The following SAMD3 variants were observed in gnomAD, a reference collection of about 807,000 sequenced individuals.
The protein encoded by SAMD3 is sterile alpha motif domain containing 3.
A neutral mutation model predicts 58.5 loss-of-function variants in SAMD3; 63 were observed. The observed-to-expected ratio is 1.08, with a 90% CI of 0.88 to 1.33. SAMD3 has a LOEUF of 1.33. SAMD3 is among the 40% of genes most tolerant of loss of function. SAMD3 has a pLI of 0.00. For synonymous variants in SAMD3, 220 were observed against 210.3 expected, an observed-to-expected ratio of 1.05 and a Z score of -0.40; for missense variants, 604 against 608.4, an observed-to-expected ratio of 0.99 and a Z score of 0.08.
intron 7 of SAMD3, among the ~76,000 whole-genome samples, chr6:130,178,227 C>T (rs1003680924): frequency 1.6e-4 from 24 of 150,534 alleles, no homozygotes; most frequent in African/African-American, 5.2e-4. Flanking sequence ...CTGCGCACCT[C>T]GGCATCCCAA....
At chr6:130,214,562 T>A in intron 3 of SAMD3, 36 bp from the exon 4 acceptor site, 2 of 1,503,964 alleles carry the variant, frequency 1.3e-6, no homozygotes, top group Non-Finnish European at 1.8e-6. Flanking sequence ...TCTACATGAC[T>A]TTCCGGCAAA....
chr6:130,365,478 C>T (rs973034435), upstream of SAMD3: 2 of 985,430 alleles, frequency 2.0e-6, no homozygotes, highest in African/African-American at 1.7e-5. Context: ...GCCAGGGGGA[C>T]CCCGGCCCGC....
intron 5 of SAMD3, among the ~76,000 whole-genome samples, chr6:130,195,093 C>T (rs909328113): frequency 2.6e-5 from 4 of 152,114 alleles, no homozygotes; most frequent in African/African-American, 9.7e-5. Flanking sequence ...GCCCAGTTCC[C>T]TTATTAGGCT....
intron 1 of SAMD3, among the ~76,000 whole-genome samples, chr6:130,218,137 C>T (rs1224990367): frequency 6.6e-6 from 1 of 152,110 alleles, no homozygotes; most frequent in Non-Finnish European, 1.5e-5. Context: ...ATATTAGGCT[C>T]ACAGACACTT....
At chr6:130,358,606 A>C (rs1454975933) in intron 1 of SAMD3, among the ~76,000 whole-genome samples, 1 of 152,168 alleles carries the variant, frequency 6.6e-6, no homozygotes, top group Non-Finnish European at 1.5e-5. Context: ...AATTTCACTA[A>C]GAAAATTTTG....
intron 5 of SAMD3, among the ~76,000 whole-genome samples, chr6:130,208,865 CA>C (rs2114820805): frequency 6.6e-6 from 1 of 152,238 alleles, no homozygotes; most frequent in East Asian, 1.9e-4. Flanking sequence ...TCCATGGTGT[CA>C]AAAAGGTTGG....
chr6:130,228,647 A>G (rs1385309355), intron 2 of SAMD3, among the ~76,000 whole-genome samples: 1 of 152,214 alleles, frequency 6.6e-6, no homozygotes, highest in Non-Finnish European at 1.5e-5. Context: ...GGCAGAAAGG[A>G]AAGCAGACAT....
At chr6:130,310,061 C>T (rs1776091343) in intron 2 of SAMD3, among the ~76,000 whole-genome samples, 1 of 152,172 alleles carries the variant, frequency 6.6e-6, no homozygotes, top group Non-Finnish European at 1.5e-5. Flanking sequence ...AAATGGGCTG[C>T]AGATGCATAG....
chr6:130,365,533 G>C, upstream of SAMD3: 1 of 985,364 alleles, frequency 1.0e-6, no homozygotes, highest in Non-Finnish European at 1.2e-6. Context: ...GTGGAGCCAG[G>C]GTCCTGCGGT....
At chr6:130,332,317 A>G (rs1776958081) in intron 1 of SAMD3, among the ~76,000 whole-genome samples, 1 of 152,218 alleles carries the variant, frequency 6.6e-6, no homozygotes, top group Non-Finnish European at 1.5e-5. Flanking sequence ...TGTTTTAGAC[A>G]TGTTAAGTTT....
intron 8 of SAMD3, among the ~76,000 whole-genome samples, chr6:130,165,513 T>C (rs890132366): frequency 2.6e-5 from 4 of 152,170 alleles, no homozygotes; most frequent in African/African-American, 9.7e-5. Flanking sequence ...TCACCAAATA[T>C]CAAATTTAGA....
chr6:130,360,760 A>T (rs890131777), intron 1 of SAMD3, among the ~76,000 whole-genome samples: 1 of 152,096 alleles, frequency 6.6e-6, no homozygotes, highest in Non-Finnish European at 1.5e-5. Flanking sequence ...GGAGACTGGG[A>T]TTTATTTCAT....
intron 2 of SAMD3, among the ~76,000 whole-genome samples, chr6:130,231,736 G>T (rs1454070502): frequency 6.6e-6 from 1 of 152,058 alleles, no homozygotes; most frequent in African/African-American, 2.4e-5. Flanking sequence ...TTCATAGGTG[G>T]CTCATAGGTA....
intron 5 of SAMD3, 114 bp from the exon 6 acceptor site, chr6:130,184,737 A>G (rs1043706217): frequency 1.3e-6 from 1 of 766,338 alleles, no homozygotes; most frequent in African/African-American, 1.8e-5. Context: ...ACCCAAATAT[A>G]TGGAAGTCAT....
chr6:130,223,782 C>T (rs1424451930), upstream of SAMD3, among the ~76,000 whole-genome samples: 1 of 152,184 alleles, frequency 6.6e-6, no homozygotes, highest in Non-Finnish European at 1.5e-5. Context: ...GCTCCTACCC[C>T]ATGGCAGCAC....
chr6:130,352,186 A>G (rs965897498), intron 1 of SAMD3, among the ~76,000 whole-genome samples: 5 of 152,218 alleles, frequency 3.3e-5, no homozygotes, highest in African/African-American at 1.2e-4. Context: ...CACATTGTGC[A>G]CATGTATCCT....
chr6:130,198,549 A>T (rs1794354401), intron 5 of SAMD3, among the ~76,000 whole-genome samples: 1 of 152,122 alleles, frequency 6.6e-6, no homozygotes, highest in Non-Finnish European at 1.5e-5. Context: ...ACCTTTCAAA[A>T]AGGAGCTCTC....
chr6:130,354,983 T>A (rs528409515), intron 1 of SAMD3, among the ~76,000 whole-genome samples: 48 of 152,264 alleles, frequency 3.2e-4, no homozygotes, highest in African/African-American at 1.1e-3. Context: ...CAACTGATTA[T>A]TAAAAATGCA....
At chr6:130,232,259 T>A (rs1207190605) in intron 2 of SAMD3, among the ~76,000 whole-genome samples, 2 of 152,142 alleles carry the variant, frequency 1.3e-5, no homozygotes, top group African/African-American at 4.8e-5. Flanking sequence ...GACTGATTGG[T>A]GTTTAAAAGA....
Sources: gnomAD v4.1 joint callset for allele counts (sites outside exome capture counted in the v4.1 genomes callset) on GRCh38, gnomAD v4.1.1 for gene constraint, MANE v1.5 for transcripts, NCBI Gene and HGNC (gene_info 2026-07-23, HGNC 2026-07-21) for gene names.